Variants in LCLAT1 observed in about 807,000 individuals in gnomAD.
The protein encoded by LCLAT1 is lysocardiolipin acyltransferase 1.
In LCLAT1, 11 loss-of-function variants were observed where a neutral mutation model predicts 30.7. That is an observed-to-expected ratio of 0.36 (90% CI 0.23 to 0.59). The LOEUF (loss-of-function observed/expected upper bound fraction) is 0.59. Among genes scored for constraint, LCLAT1 ranks in the 20% least tolerant of loss-of-function variants. The probability of loss-of-function intolerance (pLI) is 0.77; values close to 1 mark genes in which losing one functional copy is unlikely to be tolerated. For missense variants in LCLAT1, 402 were observed against 458.6 expected (o/e 0.88, Z 1.13); for synonymous variants, 155 against 151.3 (o/e 1.02, Z -0.18).
In LCLAT1 at chr2:30,641,484, A is replaced by C. The variant is rs1305215938; in HGVS notation, c.*865A>C. 1 of 152,188 alleles carries C rather than the reference A, an allele frequency of 6.6e-6. No homozygotes were observed. Among genetic ancestry groups the C allele is most frequent in the Non-Finnish European group, 1.5e-5 (1 of 68,036 alleles). The allele number at this position is 152,188 out of a possible 1,614,324, so 9.4% of individuals were successfully genotyped here. On this transcript the variant is annotated 3_prime_UTR_variant, in exon 6 of 6. Coordinates refer to ENST00000379509, the MANE Select transcript of LCLAT1 (RefSeq NM_001002257.3). ...CAGAACATTCTGTCATTCCAGTCAG[A>C]AACTGTCTTTTGAAATATTTCTTTA...
intron 5 of LCLAT1, among the ~76,000 whole-genome samples, chr2:30,635,542 TATC>T (rs1175917139): frequency 6.6e-6 from 1 of 152,198 alleles, no homozygotes; most frequent in Non-Finnish European, 1.5e-5. Context: ...TAAATTATAA[TATC>T]ATTCTAAAGT....
intron 2 of LCLAT1, among the ~76,000 whole-genome samples, chr2:30,532,365 A>G (rs1430086296): frequency 6.6e-6 from 1 of 152,178 alleles, no homozygotes; most frequent in Non-Finnish European, 1.5e-5. Flanking sequence ...TAATAAGTCA[A>G]ATATTAACTA....
chr2:30,574,940 G>A (rs1013706300), intron 5 of LCLAT1, among the ~76,000 whole-genome samples: 1 of 152,144 alleles, frequency 6.6e-6, no homozygotes, highest in Admixed American at 6.5e-5. Context: ...TGTGTTTTTC[G>A]TATCCTCTGC....
rs151267312 is a variant in LCLAT1, at chr2:30,568,499, T to G, written c.628+323T>G. On this transcript the variant is annotated intron_variant, in intron 5 of 5. Coordinates refer to ENST00000379509, the MANE Select transcript of LCLAT1 (RefSeq NM_001002257.3). ...ATTTCTCCAAGTGGCAAAAATGTCT[T>G]TCTTTCTTTTTTTTTTTTTTTTTTT... Among the ~76,000 whole-genome samples the G allele has an allele frequency of 7.2e-3, 961 of 134,226 alleles. 10 individuals are homozygous for G. Among genetic ancestry groups the G allele is most frequent in the African/African-American group, 0.025 (910 of 35,718 alleles). 88.1% of individuals were successfully genotyped at this position (134,226 alleles called of 152,430 possible). A position where few individuals can be genotyped will look rare whatever the true frequency, so the allele number is the denominator to read the frequency against.
chr2:30,541,762 C>T (rs548971623), intron 3 of LCLAT1, among the ~76,000 whole-genome samples: 1 of 152,166 alleles, frequency 6.6e-6, no homozygotes, highest in Non-Finnish European at 1.5e-5. Context: ...CACCCAAACC[C>T]CTGGATAATA....
chr2:30,479,669 G>C (rs184043168), intron 1 of LCLAT1, among the ~76,000 whole-genome samples: 1 of 152,248 alleles, frequency 6.6e-6, no homozygotes, highest in African/African-American at 2.4e-5. Context: ...CATGAAGGAG[G>C]CTTCTGGGTT....
At chr2:30,553,376 A>G (rs1572615223) in intron 3 of LCLAT1, among the ~76,000 whole-genome samples, 1 of 152,320 alleles carries the variant, frequency 6.6e-6, no homozygotes, top group African/African-American at 2.4e-5. Flanking sequence ...CGATGCTGAT[A>G]ACGTAAATGA....
intron 3 of LCLAT1, among the ~76,000 whole-genome samples, chr2:30,537,632 A>T (rs1193997529): frequency 6.6e-6 from 1 of 152,164 alleles, no homozygotes. Context: ...ATATAGTAAT[A>T]GTTGAGGACT....
intron 5 of LCLAT1, among the ~76,000 whole-genome samples, chr2:30,628,876 A>G (rs1488509610): frequency 2.6e-5 from 4 of 152,234 alleles, no homozygotes; most frequent in Admixed American, 6.5e-5. Context: ...TCCAGAAGCT[A>G]TAACAGAAAT....
chr2:30,464,288 G>A (rs1439950255), intron 1 of LCLAT1, among the ~76,000 whole-genome samples: 1 of 151,672 alleles, frequency 6.6e-6, no homozygotes, highest in Non-Finnish European at 1.5e-5. Flanking sequence ...TATTTTACAT[G>A]TAACTCTTTA....
rs1446888726 is a variant in LCLAT1, at chr2:30,568,052, T to C, written c.512-8T>C. On this transcript the variant is annotated splice_polypyrimidine_tract_variant and splice_region_variant and intron_variant, in intron 4 of 5. Coordinates refer to ENST00000379509, the MANE Select transcript of LCLAT1 (RefSeq NM_001002257.3). ...TTATGATTTATAATGGTCCATTGTT[T>C]TGTTTAGAAAACAGCAAGTCTCGAA... is the stretch of plus-strand genomic sequence containing the variant. 1 of 1,418,746 alleles carries C rather than the reference T, an allele frequency of 7.0e-7. No individual in the cohort carries two copies. The highest frequency in any genetic ancestry group is 1.4e-5 in the African/African-American group (1 of 70,456). The allele number at this position is 1,418,746 out of a possible 1,614,324, so 87.9% of individuals were successfully genotyped here. A position where few individuals can be genotyped will look rare whatever the true frequency, so the allele number is the denominator to read the frequency against.
At chr2:30,535,565 A>G (rs1572587442) in intron 3 of LCLAT1, among the ~76,000 whole-genome samples, 1 of 152,248 alleles carries the variant, frequency 6.6e-6, no homozygotes, top group Non-Finnish European at 1.5e-5. Context: ...ATAAAAGCTG[A>G]AGAAATCATA....
At chr2:30,493,892 G>T (rs905516767) in intron 1 of LCLAT1, among the ~76,000 whole-genome samples, 2 of 152,122 alleles carry the variant, frequency 1.3e-5, no homozygotes, top group African/African-American at 2.4e-5. Context: ...AGTGGCTCAT[G>T]CCTATAACCC....
chr2:30,584,223 A>G (rs866071631), intron 5 of LCLAT1, among the ~76,000 whole-genome samples: 4 of 152,154 alleles, frequency 2.6e-5, no homozygotes, highest in Admixed American at 6.5e-5. Flanking sequence ...CTGTATGTCT[A>G]TTAAGATTCC....
chr2:30,605,880 T>C (rs1667414842), intron 5 of LCLAT1: 1 of 434,246 alleles, frequency 2.3e-6, no homozygotes, highest in Admixed American at 5.6e-5. Flanking sequence ...ATGAAACTGT[T>C]CCACCTCAGA....
At chr2:30,633,880 T>C (rs1283278188) in intron 5 of LCLAT1, among the ~76,000 whole-genome samples, 2 of 152,220 alleles carry the variant, frequency 1.3e-5, no homozygotes, top group African/African-American at 2.4e-5. Context: ...GTACTATGCA[T>C]GTAGAGACTA....
At chr2:30,627,373 C>T (rs552351300) in intron 5 of LCLAT1, among the ~76,000 whole-genome samples, 3 of 152,186 alleles carry the variant, frequency 2.0e-5, no homozygotes, top group South Asian at 4.1e-4. Context: ...TTCCCAATAA[C>T]GAAACTTTCT....
intron 5 of LCLAT1, chr2:30,605,993 C>A: frequency 7.8e-7 from 1 of 1,286,896 alleles, no homozygotes; most frequent in Non-Finnish European, 1.0e-6. Context: ...CTAATGCTCC[C>A]CACTCCCCAC....
At chr2:30,447,877 T>A (rs1681342899) in intron 1 of LCLAT1, among the ~76,000 whole-genome samples, 1 of 152,230 alleles carries the variant, frequency 6.6e-6, no homozygotes, top group Non-Finnish European at 1.5e-5. Context: ...GCTGGGGTTG[T>A]CTTCCCTGCG....
Sources: allele counts gnomAD v4.1 joint callset (sites outside exome capture counted in the v4.1 genomes callset), GRCh38; gene constraint gnomAD v4.1.1; transcripts MANE v1.5; gene names NCBI Gene and HGNC (gene_info 2026-07-23, HGNC 2026-07-21).